TSPEAR: variants seen among roughly 807,000 people sequenced by gnomAD.
TSPEAR encodes the protein thrombospondin type laminin G domain and EAR repeats.
A neutral mutation model predicts 71.6 loss-of-function variants in TSPEAR; 69 were observed. The observed-to-expected ratio is 0.96, with a 90% CI of 0.79 to 1.18. The LOEUF (loss-of-function observed/expected upper bound fraction) is 1.18, where lower values mean the gene tolerates loss of function less well. TSPEAR is among the 50% of genes most tolerant of loss of function. The pLI, the probability that TSPEAR is intolerant of heterozygous loss-of-function variation, is 0.00. For missense variants in TSPEAR, 971 were observed against 894.9 expected (o/e 1.09, Z -1.09); for synonymous variants, 402 against 387.2 (o/e 1.04, Z -0.45).
rs375571107 is a variant in TSPEAR, at chr21:44,612,229, G to A, written c.83-44224C>T. On this transcript the variant is annotated intron_variant, in intron 1 of 11. Coordinates refer to ENST00000323084, the MANE Select transcript of TSPEAR (RefSeq NM_144991.3). This position sits in a 1 kb window ranked among gnomAD's most constrained non-coding sequence, Gnocchi z 4.1. The stretch of plus-strand genomic sequence containing the variant: ...CCTGCACTGGCTCCTCCTGGCAGGT[G>A]GACAATTGCCAGGAAAGCTGCTGCG... The A allele has an allele frequency of 1.2e-5, 19 of 1,613,596 alleles. No individual in the cohort carries two copies. The highest frequency in any genetic ancestry group is 2.2e-5 in the South Asian group (2 of 91,076).
intron 1 of TSPEAR, among the ~76,000 whole-genome samples, chr21:44,663,673 A>G (rs1985612255): frequency 6.6e-6 from 1 of 152,088 alleles, no homozygotes; most frequent in Admixed American, 6.5e-5. Flanking sequence ...AAAACTATAT[A>G]CTATTAATAA....
At position 44,506,116 on chromosome 21, in the gene TSPEAR, T is replaced by C. The variant is rs1202391052; in HGVS notation, c.1755-1235A>G. 6.6e-6 allele frequency among the ~76,000 whole-genome samples: 1 copy of C among 152,206 alleles called. No individual in the cohort carries two copies. Among genetic ancestry groups the C allele is most frequent in the East Asian group, 1.9e-4 (1 of 5,190 alleles). On this transcript the variant is annotated intron_variant, in intron 10 of 11. Coordinates refer to ENST00000323084, the MANE Select transcript of TSPEAR (RefSeq NM_144991.3). The surrounding 1 kb of genome is among the most constrained non-coding windows in gnomAD (Gnocchi z 4.2). Reference sequence around the variant, plus strand: ...TGCAGGACCTGCTCGTTCACAGATGTTCTCCTAGAAGCAGAAGCTGTTTCT... The same window carrying C: ...TGCAGGACCTGCTCGTTCACAGATGCTCTCCTAGAAGCAGAAGCTGTTTCT...
intron 1 of TSPEAR, chr21:44,654,174 C>T (rs58403526): frequency 0.046 from 43,619 of 954,832 alleles, 1,145 homozygotes; most frequent in African/African-American, 0.085. Context: ...AGTCAGGTGA[C>T]GACAGTTTGC....
rs1445305910 is a variant in TSPEAR at position 44,682,219 on chromosome 21, C to G, written c.82+29214G>C. The G allele has an allele frequency of 2.1e-6, 3 of 1,408,944 alleles. No individual in the cohort carries two copies. In the African/African-American group the frequency reaches 4.2e-5, roughly 20 times the overall value. 87.3% of individuals were successfully genotyped at this position (1,408,944 alleles called of 1,614,324 possible). On this transcript the variant is annotated intron_variant, in intron 1 of 11. Coordinates refer to ENST00000323084, the MANE Select transcript of TSPEAR (RefSeq NM_144991.3). ...TTATACCTGGACCCAGGCATCCCCA[C>G]AGCACAGAAGCACACACCTGTTGTC...
At chr21:44,646,410 T>A in intron 1 of TSPEAR, 2 of 1,571,890 alleles carry the variant, frequency 1.3e-6, no homozygotes, top group Non-Finnish European at 1.7e-6. Context: ...ACACACACAC[T>A]CACACACTCA....
At chr21:44,568,796 G>T (rs1278002408) in intron 1 of TSPEAR, among the ~76,000 whole-genome samples, 1 of 152,176 alleles carries the variant, frequency 6.6e-6, no homozygotes, top group Non-Finnish European at 1.5e-5. Flanking sequence ...GTGGCTGAAT[G>T]AAGCAGGTGT....
intron 1 of TSPEAR, among the ~76,000 whole-genome samples, chr21:44,706,035 G>A (rs942097723): frequency 1.3e-5 from 2 of 152,000 alleles, no homozygotes; most frequent in African/African-American, 4.8e-5. Context: ...CAAGCCAGTC[G>A]ATGCTTAGGA....
Position 44,533,712 on chromosome 21 carries a change from G to A in TSPEAR, c.515C>T (p.Thr172Ile). The change falls in exon 3 of 12, where the codon ACC becomes ATC. Residue 172 changes from threonine (T) to isoleucine (I), a missense_variant. Transcript: ENST00000323084. Reference sequence around the variant, plus strand: ...GTCCACCGGGAGGCCGCAGTCCGTGGTGAGGGAGAAGACGCCTGCGGACAC... The same window carrying A: ...GTCCACCGGGAGGCCGCAGTCCGTGATGAGGGAGAAGACGCCTGCGGACAC... ...LAVSAGVFSL[T>I]TDCGLPVDIM... 1.9e-6 allele frequency: 3 copies of A among 1,611,032 alleles called. No homozygotes were observed.
At chr21:44,610,542 G>A (rs587686566) in intron 1 of TSPEAR, among the ~76,000 whole-genome samples, 15 of 152,370 alleles carry the variant, frequency 9.8e-5, no homozygotes, top group African/African-American at 3.4e-4. Flanking sequence ...GCAGAAGTTT[G>A]CTGCAGGGGT....
intron 1 of TSPEAR, among the ~76,000 whole-genome samples, chr21:44,651,433 T>C (rs587663676): frequency 1.3e-5 from 2 of 152,318 alleles, no homozygotes; most frequent in East Asian, 3.9e-4. Context: ...GTCCGAAGTC[T>C]GCTGTGGGTC....
At chr21:44,643,382 C>T (rs969510283) in intron 1 of TSPEAR, among the ~76,000 whole-genome samples, 3 of 152,108 alleles carry the variant, frequency 2.0e-5, no homozygotes, top group East Asian at 1.9e-4. Flanking sequence ...ATAGTAACAC[C>T]GAAATCTGCT....
At chr21:44,525,503 C>A in intron 8 of TSPEAR, 150 bp downstream of exon 8, 1 of 861,572 alleles carries the variant, frequency 1.2e-6, no homozygotes, top group South Asian at 1.7e-5. Context: ...GTCCCTCCCC[C>A]AGACAGTGAG....
chr21:44,598,260 GA>G (rs1365453844), intron 1 of TSPEAR, among the ~76,000 whole-genome samples: 3 of 152,290 alleles, frequency 2.0e-5, no homozygotes, highest in Non-Finnish European at 4.4e-5. Context: ...TTTTATCTAA[GA>G]AAGTTTAAAT....
chr21:44,501,982 G>A (rs1555911149), intron 11 of TSPEAR, among the ~76,000 whole-genome samples: 3 of 152,176 alleles, frequency 2.0e-5, no homozygotes, highest in African/African-American at 7.2e-5. Context: ...GAAAACCACC[G>A]AGCAATCTAA....
intron 1 of TSPEAR, chr21:44,666,680 G>A: frequency 6.2e-7 from 1 of 1,613,284 alleles, no homozygotes; most frequent in Middle Eastern, 1.6e-4. Context: ...CTGACTTGAA[G>A]CTCATGGGCA....
At chr21:44,660,963 A>G in intron 1 of TSPEAR, among the ~76,000 whole-genome samples, 1 of 151,746 alleles carries the variant, frequency 6.6e-6, no homozygotes, top group Non-Finnish European at 1.5e-5. Flanking sequence ...GAAAAGAAAG[A>G]AAAGAAGAGC....
At chr21:44,583,451 G>T (rs140772762) in intron 1 of TSPEAR, among the ~76,000 whole-genome samples, 1 of 152,200 alleles carries the variant, frequency 6.6e-6, no homozygotes, top group South Asian at 2.1e-4. Context: ...CTGCAGCTCC[G>T]CACTAAGCCG....
intron 2 of TSPEAR, among the ~76,000 whole-genome samples, chr21:44,535,831 G>T (rs1280994268): frequency 1.3e-5 from 2 of 150,010 alleles, no homozygotes; most frequent in East Asian, 1.9e-4. Context: ...CTCCCAAAGT[G>T]CTGGGATTAC....
At chr21:44,595,085 C>T (rs1176056694) in intron 1 of TSPEAR, among the ~76,000 whole-genome samples, 1 of 152,132 alleles carries the variant, frequency 6.6e-6, no homozygotes, top group African/African-American at 2.4e-5. Context: ...GCCTCCCAAA[C>T]ATGCTAGGAT....
Sources: allele counts gnomAD v4.1 joint callset (sites outside exome capture counted in the v4.1 genomes callset), GRCh38; gene constraint gnomAD v4.1.1; non-coding constraint Gnocchi (gnomAD v3.1); transcripts MANE v1.5; gene names NCBI Gene and HGNC (gene_info 2026-07-23, HGNC 2026-07-21).